Variants in ZNF407 observed in about 807,000 individuals in gnomAD.
The protein encoded by ZNF407 is zinc finger protein 407.
A neutral mutation model predicts 131.2 loss-of-function variants in ZNF407; 17 were observed. The observed-to-expected ratio is 0.13, with a 90% CI of 0.09 to 0.19. ZNF407 has a LOEUF of 0.19. ZNF407 is among the 10% of genes least tolerant of loss of function. The pLI is 1.00. For missense variants in ZNF407, 2,681 were observed against 2,830.6 expected (o/e 0.95, Z 1.20); for synonymous variants, 1,156 against 1,062.0 (o/e 1.09, Z -1.72).
At chr18:74,650,387 A>G (rs1156740509) in intron 3 of ZNF407, among the ~76,000 whole-genome samples, 1 of 152,158 alleles carries the variant, frequency 6.6e-6, no homozygotes, top group Non-Finnish European at 1.5e-5. Flanking sequence ...AAGACTGACA[A>G]TTTCTTTGTT....
intron 8 of ZNF407, among the ~76,000 whole-genome samples, chr18:74,958,971 T>C (rs1369751895): frequency 1.3e-5 from 2 of 152,214 alleles, no homozygotes; most frequent in Non-Finnish European, 1.5e-5. Context: ...GACACTTGGA[T>C]GATGCCTTTA....
chr18:74,674,737 C>G (rs1314095188), intron 3 of ZNF407, among the ~76,000 whole-genome samples: 1 of 152,174 alleles, frequency 6.6e-6, no homozygotes, highest in Admixed American at 6.5e-5. Flanking sequence ...CTCTATTCCT[C>G]TAGTGAAACA....
intron 7 of ZNF407, among the ~76,000 whole-genome samples, chr18:74,893,669 A>T (rs2896870): frequency 6.6e-6 from 1 of 151,666 alleles, no homozygotes; most frequent in Non-Finnish European, 1.5e-5. Flanking sequence ...ACATAAATGT[A>T]TTTGTTCACA....
At chr18:74,712,294 A>G (rs1967784479) in intron 3 of ZNF407, among the ~76,000 whole-genome samples, 1 of 152,234 alleles carries the variant, frequency 6.6e-6, no homozygotes, top group Non-Finnish European at 1.5e-5. Context: ...TTCATTTAAA[A>G]TTAGAAAAAT....
In ZNF407 at chr18:74,997,870, T is replaced by G. The variant is rs139980283; in HGVS notation, c.5429-65280T>G. Among the ~76,000 whole-genome samples, 196 of 152,368 alleles carry G rather than the reference T, an allele frequency of 1.3e-3. 1 individual carries two copies. Among genetic ancestry groups the G allele is most frequent in the African/African-American group, 4.4e-3 (181 of 41,602 alleles). ...CTGATCCACAATACTAGCCATTTCT[T>G]GAAGACATTTTTTCTACTCAATCTT... On this transcript the variant is annotated intron_variant, in intron 8 of 8. Transcript: ENST00000299687.
intron 3 of ZNF407, among the ~76,000 whole-genome samples, chr18:74,720,694 G>A (rs1381696208): frequency 6.6e-6 from 1 of 152,022 alleles, no homozygotes; most frequent in African/African-American, 2.4e-5. Flanking sequence ...AGAGGTGGGG[G>A]TCTAGTTTCA....
chr18:74,726,048 A>C (rs1204909521), intron 3 of ZNF407, among the ~76,000 whole-genome samples: 1 of 152,144 alleles, frequency 6.6e-6, no homozygotes, highest in Non-Finnish European at 1.5e-5. Context: ...CAGCTATTGT[A>C]GGGGGCGATG....
chr18:74,658,614 G>T (rs1195761574), intron 3 of ZNF407, among the ~76,000 whole-genome samples: 2 of 152,140 alleles, frequency 1.3e-5, no homozygotes, highest in African/African-American at 2.4e-5. Context: ...ATGATTACTA[G>T]AAATGATGTA....
chr18:74,843,709 A>C (rs756858743), intron 4 of ZNF407, among the ~76,000 whole-genome samples: 2 of 152,146 alleles, frequency 1.3e-5, no homozygotes, highest in Non-Finnish European at 2.9e-5. Context: ...TTTTTCTGCT[A>C]TCTTGGTTTA....
chr18:74,790,636 T>C (rs1037302960), intron 4 of ZNF407, among the ~76,000 whole-genome samples: 3 of 152,214 alleles, frequency 2.0e-5, no homozygotes, highest in Non-Finnish European at 2.9e-5. Context: ...TATCTTTAAC[T>C]CCCAGTCATT....
intron 8 of ZNF407, among the ~76,000 whole-genome samples, chr18:74,958,564 C>T (rs1228051572): frequency 6.6e-6 from 1 of 152,146 alleles, no homozygotes; most frequent in Non-Finnish European, 1.5e-5. Context: ...CATATACACA[C>T]CTGAGCTGCA....
intron 3 of ZNF407, among the ~76,000 whole-genome samples, chr18:74,775,612 G>A (rs1255138118): frequency 6.6e-6 from 1 of 152,168 alleles, no homozygotes; most frequent in Non-Finnish European, 1.5e-5. Context: ...ACTTCACCAT[G>A]CTCTGAATGC....
At chr18:74,954,883 A>G (rs1972258086) in intron 8 of ZNF407, among the ~76,000 whole-genome samples, 1 of 152,202 alleles carries the variant, frequency 6.6e-6, no homozygotes, top group South Asian at 2.1e-4. Flanking sequence ...ATCAGTAGGG[A>G]AAATAAGGAC....
intron 7 of ZNF407, among the ~76,000 whole-genome samples, chr18:74,919,900 C>T (rs1011202155): frequency 4.6e-5 from 7 of 152,166 alleles, no homozygotes; most frequent in Admixed American, 1.3e-4. Flanking sequence ...GGCACCGTGG[C>T]GTGGAATATA....
chr18:74,754,004 A>G (rs571811211), intron 3 of ZNF407, among the ~76,000 whole-genome samples: 3 of 152,298 alleles, frequency 2.0e-5, no homozygotes, highest in Admixed American at 6.5e-5. Flanking sequence ...TAGGCTATTA[A>G]TTATTGTCTC....
intron 8 of ZNF407, among the ~76,000 whole-genome samples, chr18:75,026,397 G>T (rs539150189): frequency 6.6e-6 from 1 of 152,242 alleles, no homozygotes; most frequent in African/African-American, 2.4e-5. Context: ...CTTATTATTT[G>T]CACACATCTT....
intron 1 of ZNF407, among the ~76,000 whole-genome samples, chr18:74,601,849 C>G (rs531613721): frequency 1.3e-5 from 2 of 152,284 alleles, no homozygotes; most frequent in African/African-American, 4.8e-5. Flanking sequence ...CACATCCAAA[C>G]TGTTTCGAGG....
intron 8 of ZNF407, among the ~76,000 whole-genome samples, chr18:74,972,178 C>T (rs540784979): frequency 6.6e-6 from 1 of 152,134 alleles, no homozygotes; most frequent in Non-Finnish European, 1.5e-5. Flanking sequence ...CAAACCATAT[C>T]ACCTCCCTTT....
chr18:74,899,648 AAG>A (rs1971497204), intron 7 of ZNF407, among the ~76,000 whole-genome samples: 2 of 152,216 alleles, frequency 1.3e-5, no homozygotes, highest in African/African-American at 4.8e-5. Flanking sequence ...GTGAAACAAG[AAG>A]AGAGGCAAAT....
Sources: allele counts gnomAD v4.1 joint callset (sites outside exome capture counted in the v4.1 genomes callset), GRCh38; gene constraint gnomAD v4.1.1; transcripts MANE v1.5; gene names NCBI Gene and HGNC (gene_info 2026-07-23, HGNC 2026-07-21).